The following CEP128 variants were observed in gnomAD, a reference collection of about 807,000 sequenced individuals.
CEP128 encodes centrosomal protein 128kDa.
A neutral mutation model predicts 156.7 loss-of-function variants in CEP128; 132 were observed. That is an observed-to-expected ratio of 0.84 (90% CI 0.73 to 0.97). CEP128 has a LOEUF of 0.97. Among genes scored for constraint, CEP128 ranks in the 50% least tolerant of loss-of-function variants. CEP128 has a pLI of 0.00. For missense variants in CEP128, 1,252 were observed against 1,281.9 expected, an observed-to-expected ratio of 0.98 and a Z score of 0.36; for synonymous variants, 469 against 448.9, an observed-to-expected ratio of 1.04 and a Z score of -0.57.
intron 2 of CEP128, among the ~76,000 whole-genome samples, chr14:80,949,240 C>A (rs113110363): frequency 2.6e-5 from 4 of 152,148 alleles, no homozygotes; most frequent in African/African-American, 9.6e-5. Context: ...AGAGAGTTTC[C>A]AAGTCATGGT....
chr14:80,750,537 A>G (rs1382311284), intron 18 of CEP128, among the ~76,000 whole-genome samples: 2 of 152,202 alleles, frequency 1.3e-5, no homozygotes, highest in Non-Finnish European at 2.9e-5. Flanking sequence ...CGGTCCCAGC[A>G]TGATCCTCCA....
chr14:80,915,896 C>A (rs1404766610), intron 3 of CEP128, among the ~76,000 whole-genome samples: 1 of 152,206 alleles, frequency 6.6e-6, no homozygotes, highest in Non-Finnish European at 1.5e-5. Context: ...CTAATCCCTG[C>A]AACCTGTGTA....
intron 2 of CEP128, among the ~76,000 whole-genome samples, chr14:80,950,728 T>G (rs988758235): frequency 6.6e-6 from 1 of 152,042 alleles, no homozygotes; most frequent in African/African-American, 2.4e-5. Flanking sequence ...AAATCATAGA[T>G]GCAGAAATGG....
chr14:80,732,557 G>A (rs549412917), intron 19 of CEP128, among the ~76,000 whole-genome samples: 2 of 151,194 alleles, frequency 1.3e-5, no homozygotes, highest in Admixed American at 6.6e-5. Context: ...GAGGTCAATT[G>A]TGGATGTGTT....
At chr14:80,705,369 T>A (rs188822429) in intron 19 of CEP128, among the ~76,000 whole-genome samples, 108 of 152,206 alleles carry the variant, frequency 7.1e-4, no homozygotes, top group African/African-American at 2.3e-3. Flanking sequence ...AAATAGTGAC[T>A]AAAATGATTC....
chr14:80,793,644 C>A (rs1459048658), intron 13 of CEP128, among the ~76,000 whole-genome samples: 1 of 152,062 alleles, frequency 6.6e-6, no homozygotes, highest in Non-Finnish European at 1.5e-5. Flanking sequence ...TCCAGATAAA[C>A]CAACATAATA....
At chr14:80,784,005 A>AT (rs1901262225) in intron 15 of CEP128, among the ~76,000 whole-genome samples, 1 of 152,200 alleles carries the variant, frequency 6.6e-6, no homozygotes, top group South Asian at 2.1e-4. Context: ...AACTATTTCA[A>AT]TATCATTTCA....
At chr14:80,540,211 T>G (rs1035187377) in intron 21 of CEP128, among the ~76,000 whole-genome samples, 3 of 137,514 alleles carry the variant, frequency 2.2e-5, no homozygotes, top group African/African-American at 7.6e-5. Flanking sequence ...CCCCCCCTTT[T>G]GAAACCCTTA....
intron 19 of CEP128, among the ~76,000 whole-genome samples, chr14:80,658,006 T>TA (rs142665364): frequency 0.21 from 32,323 of 151,884 alleles, 4,185 homozygotes; most frequent in African/African-American, 0.36. Flanking sequence ...GTGACAGCGT[T>TA]AAAAAAAAGT....
intron 2 of CEP128, among the ~76,000 whole-genome samples, chr14:80,919,704 A>C (rs1186512995): frequency 6.6e-6 from 1 of 152,228 alleles, no homozygotes; most frequent in African/African-American, 2.4e-5. Flanking sequence ...TATTAAAAAA[A>C]ATTAAGAACA....
chr14:80,786,714 A>G (rs1054342127), intron 14 of CEP128, among the ~76,000 whole-genome samples: 2 of 152,218 alleles, frequency 1.3e-5, no homozygotes, highest in Admixed American at 1.3e-4. Flanking sequence ...TAAGACTGTG[A>G]TGAAGATTAG....
intron 23 of CEP128, among the ~76,000 whole-genome samples, chr14:80,520,708 A>C (rs1888701218): frequency 6.6e-6 from 1 of 152,188 alleles, no homozygotes; most frequent in Admixed American, 6.5e-5. Flanking sequence ...AATTTGCCAT[A>C]AACAAGCATA....
intron 8 of CEP128, among the ~76,000 whole-genome samples, chr14:80,878,505 T>A (rs1026360152): frequency 6.6e-6 from 1 of 152,154 alleles, no homozygotes; most frequent in African/African-American, 2.4e-5. Flanking sequence ...TATCCCACCA[T>A]CTTAGAGTAC....
At chr14:80,612,885 G>C (rs1469513644) in intron 19 of CEP128, among the ~76,000 whole-genome samples, 2 of 151,972 alleles carry the variant, frequency 1.3e-5, no homozygotes, top group Admixed American at 1.3e-4. Context: ...TCTGTCGCCA[G>C]GCTGGAGTGC....
chr14:80,825,936 T>C (rs1043254685), intron 13 of CEP128, among the ~76,000 whole-genome samples: 2 of 151,642 alleles, frequency 1.3e-5, no homozygotes, highest in Non-Finnish European at 2.9e-5. Flanking sequence ...TGAAACCCCG[T>C]CTCTACTAAA....
Position 80,768,308 on chromosome 14 carries a change from G to A in CEP128, c.2377-6695C>T, listed in dbSNP as rs145263615. Among the ~76,000 whole-genome samples the A allele has an allele frequency of 3.9e-5, 6 of 152,270 alleles. No homozygotes were observed. The East Asian group carries it at 1.2e-3, about 29-fold the overall frequency. ...CACAATAGTGAGAGCCCTGGAAGTG[G>A]TAAGAAGTATTCAGATGCAGAATCA... is the stretch of plus-strand genomic sequence containing the variant. On this transcript the variant is annotated intron_variant, in intron 16 of 24. Coordinates refer to ENST00000555265, the MANE Select transcript of CEP128 (RefSeq NM_152446.5).
At chr14:80,719,390 G>A (rs1897729426) in intron 19 of CEP128, among the ~76,000 whole-genome samples, 1 of 152,192 alleles carries the variant, frequency 6.6e-6, no homozygotes, top group African/African-American at 2.4e-5. Flanking sequence ...GCTAGTCCTA[G>A]AATTATTTCC....
chr14:80,581,533 C>T (rs540645251), intron 19 of CEP128, among the ~76,000 whole-genome samples: 8 of 152,168 alleles, frequency 5.3e-5, no homozygotes, highest in African/African-American at 1.7e-4. Context: ...TGTGATGACC[C>T]TTTGAGGCCG....
At chr14:80,581,039 G>C (rs1891570323) in intron 19 of CEP128, among the ~76,000 whole-genome samples, 1 of 152,146 alleles carries the variant, frequency 6.6e-6, no homozygotes. Context: ...AGAAATTAGT[G>C]GTTGGAAGGG....
Sources: gnomAD v4.1 joint callset for allele counts (sites outside exome capture counted in the v4.1 genomes callset) on GRCh38, gnomAD v4.1.1 for gene constraint, MANE v1.5 for transcripts, NCBI Gene and HGNC (gene_info 2026-07-23, HGNC 2026-07-21) for gene names.